The following GNAL variants were observed in gnomAD, a reference collection of about 807,000 sequenced individuals.
GNAL encodes guanine nucleotide-binding protein G(olf) subunit alpha.
Under a neutral mutation model 55.1 loss-of-function variants are expected in GNAL, and 18 were observed. The observed-to-expected ratio is 0.33, with a 90% CI of 0.23 to 0.48. The LOEUF (loss-of-function observed/expected upper bound fraction) is 0.48. Ranked by LOEUF, GNAL falls within the 20% of genes least tolerant of loss-of-function variation. GNAL has a pLI of 0.99. For missense variants in GNAL, 412 were observed against 614.1 expected (o/e 0.67, Z 3.48); for synonymous variants, 253 against 237.0 (o/e 1.07, Z -0.62).
chr18:11,781,736 T>C (rs79000926), intron 4 of GNAL, among the ~76,000 whole-genome samples: 4,450 of 152,336 alleles, frequency 0.029, 88 homozygotes, highest in Middle Eastern at 0.054. Flanking sequence ...AAATTCTGAA[T>C]AGTATACAAC....
At chr18:11,750,780 A>C (rs757898825) in intron 1 of GNAL, among the ~76,000 whole-genome samples, 4 of 152,000 alleles carry the variant, frequency 2.6e-5, no homozygotes, top group Non-Finnish European at 5.9e-5. Context: ...GGTGGGCAGG[A>C]GGAAAACTGG....
chr18:11,693,073 A>AC (rs113260127), intron 1 of GNAL, among the ~76,000 whole-genome samples: 54,188 of 152,012 alleles, frequency 0.36, 13,409 homozygotes, highest in African/African-American at 0.71. Flanking sequence ...TGACAAAAAA[A>AC]AATAAGACAA....
rs1457727060 is a variant in GNAL at position 11,691,288 on chromosome 18, C to G, written c.376+1349C>G. On this transcript the variant is annotated intron_variant, in intron 1 of 11. Coordinates refer to ENST00000334049, the MANE Select transcript of GNAL (RefSeq NM_182978.4). Reference sequence around the variant, plus strand: ...GAGAAGTGTCTGTTCATGTCCTTTGCCCACTTTTTGATGGGGTTGTTTGTT... The same window carrying G: ...GAGAAGTGTCTGTTCATGTCCTTTGGCCACTTTTTGATGGGGTTGTTTGTT... Among the ~76,000 whole-genome samples the G allele has an allele frequency of 1.5e-4, 22 of 150,994 alleles. No individual in the cohort carries two copies. The East Asian group carries it at 4.3e-3, about 29-fold the overall frequency.
intron 5 of GNAL, among the ~76,000 whole-genome samples, chr18:11,859,846 A>G (rs2036091649): frequency 6.6e-6 from 1 of 151,894 alleles, no homozygotes; most frequent in Admixed American, 6.6e-5. Context: ...CCCGGGTTCA[A>G]GCGATTCTCC....
At chr18:11,876,205 G>A (rs372250941) in intron 10 of GNAL, among the ~76,000 whole-genome samples, 1 of 152,220 alleles carries the variant, frequency 6.6e-6, no homozygotes, top group African/African-American at 2.4e-5. Context: ...TTGGCTGGGC[G>A]CAGTGACTCA....
chr18:11,705,750 CTTTTT>C (rs749198189), intron 1 of GNAL, among the ~76,000 whole-genome samples: 1 of 118,368 alleles, frequency 8.4e-6, no homozygotes, highest in South Asian at 2.8e-4. Flanking sequence ...ATTTCTATGT[CTTTTT>C]TTTTTTTTTT....
At chr18:11,870,706 A>G (rs191371673) in intron 9 of GNAL, among the ~76,000 whole-genome samples, 4 of 152,324 alleles carry the variant, frequency 2.6e-5, no homozygotes, top group Admixed American at 2.6e-4. Context: ...TTTAGCGCGC[A>G]CACACACAAT....
chr18:11,732,927 A>G (rs753859274), intron 1 of GNAL, among the ~76,000 whole-genome samples: 2 of 152,216 alleles, frequency 1.3e-5, no homozygotes, highest in Admixed American at 6.5e-5. Context: ...AGGAGTGGGT[A>G]TAGGGATGCC....
intron 10 of GNAL, among the ~76,000 whole-genome samples, chr18:11,874,848 CAGGTG>C (rs2036493500): frequency 6.8e-6 from 1 of 147,850 alleles, no homozygotes; most frequent in Admixed American, 6.7e-5. Flanking sequence ...CCCCCCACAG[CAGGTG>C]CTGCGCCCTC....
intron 11 of GNAL, among the ~76,000 whole-genome samples, chr18:11,877,191 T>C (rs1432734515): frequency 2.6e-5 from 4 of 152,244 alleles, no homozygotes; most frequent in South Asian, 2.1e-4. Context: ...CGGTGGCTCA[T>C]GCCTGTCATC....
intron 5 of GNAL, among the ~76,000 whole-genome samples, chr18:11,860,508 C>T (rs924329281): frequency 7.2e-5 from 11 of 152,098 alleles, no homozygotes; most frequent in Non-Finnish European, 8.8e-5. Context: ...CTAACAAAGA[C>T]GGATTAACAG....
chr18:11,718,252 T>G (rs1274634494), intron 1 of GNAL, among the ~76,000 whole-genome samples: 8 of 152,240 alleles, frequency 5.3e-5, no homozygotes, highest in Non-Finnish European at 1.0e-4. Flanking sequence ...TTACATTTTC[T>G]TAAATTTTTA....
rs577414137 is a variant in GNAL at position 11,866,894 on chromosome 18, T to A, written c.852-274T>A. Among the ~76,000 whole-genome samples, 4 of 139,780 alleles carry A rather than the reference T, an allele frequency of 2.9e-5. No individual in the cohort carries two copies. The South Asian group carries it at 8.3e-4, about 29-fold the overall frequency. 91.7% of individuals were successfully genotyped at this position (139,780 alleles called of 152,430 possible). ...CACTGGATTTATTAAGGACCTACTG[T>A]GGGACCTCAGACACTGCCGGCTGCT... is the stretch of plus-strand genomic sequence containing the variant. On this transcript the variant is annotated intron_variant, in intron 7 of 11. Coordinates refer to ENST00000334049, the MANE Select transcript of GNAL (RefSeq NM_182978.4).
At chr18:11,850,127 GT>G (rs2035824794) in intron 5 of GNAL, among the ~76,000 whole-genome samples, 1 of 152,236 alleles carries the variant, frequency 6.6e-6, no homozygotes, top group Non-Finnish European at 1.5e-5. Context: ...CCGGGCGTCA[GT>G]CACATTCTCC....
At chr18:11,850,255 A>G (rs1159111903) in intron 5 of GNAL, among the ~76,000 whole-genome samples, 4 of 152,228 alleles carry the variant, frequency 2.6e-5, no homozygotes, top group African/African-American at 4.8e-5. Context: ...TTTAGCCTCC[A>G]TGCCCGGGGT....
chr18:11,773,849 C>T (rs1307053916), intron 4 of GNAL, among the ~76,000 whole-genome samples: 1 of 152,256 alleles, frequency 6.6e-6, no homozygotes, highest in South Asian at 2.1e-4. Flanking sequence ...TGAGTAATTT[C>T]GGTGACTAGA....
chr18:11,771,714 TTTG>T (rs2033640684), intron 4 of GNAL, among the ~76,000 whole-genome samples: 1 of 151,218 alleles, frequency 6.6e-6, no homozygotes, highest in Non-Finnish European at 1.5e-5. Context: ...TGCAAATTTT[TTTG>T]TTGTTTGTTT....
At chr18:11,770,456 A>C (rs564354123) in intron 4 of GNAL, among the ~76,000 whole-genome samples, 1 of 152,214 alleles carries the variant, frequency 6.6e-6, no homozygotes, top group Non-Finnish European at 1.5e-5. Context: ...TGTGAGAATC[A>C]TATGAGTTTG....
At chr18:11,701,218 C>A (rs1292334585) in intron 1 of GNAL, among the ~76,000 whole-genome samples, 1 of 152,170 alleles carries the variant, frequency 6.6e-6, no homozygotes, top group East Asian at 1.9e-4. Flanking sequence ...GGGCATCCCC[C>A]TTCCTTAGGA....
Sources: gnomAD v4.1 joint callset for allele counts (sites outside exome capture counted in the v4.1 genomes callset) on GRCh38, gnomAD v4.1.1 for gene constraint, MANE v1.5 for transcripts, NCBI Gene and HGNC (gene_info 2026-07-23, HGNC 2026-07-21) for gene names.